NRG1: variants seen among roughly 807,000 people sequenced by gnomAD.
NRG1 encodes pro-neuregulin-1, membrane-bound isoform.
In NRG1, 18 loss-of-function variants were observed where a neutral mutation model predicts 63.8. The observed-to-expected ratio is 0.28, with a 90% CI of 0.19 to 0.42. The LOEUF (loss-of-function observed/expected upper bound fraction) is 0.42, where lower values mean the gene tolerates loss of function less well. Among genes scored for constraint, NRG1 ranks in the 10% least tolerant of loss-of-function variants. The pLI is 1.00. For missense variants in NRG1, 762 were observed against 814.7 expected (o/e 0.94, Z 0.79); for synonymous variants, 302 against 301.3 (o/e 1.00, Z -0.02).
chr8:32,149,982 A>G (rs1281416580), intron 1 of NRG1, among the ~76,000 whole-genome samples: 3 of 152,214 alleles, frequency 2.0e-5, no homozygotes, highest in African/African-American at 4.8e-5. Context: ...CAGCACTAGC[A>G]AGGGCTAGAA....
chr8:32,586,101 A>T (rs572579805), intron 1 of NRG1, among the ~76,000 whole-genome samples: 1 of 142,232 alleles, frequency 7.0e-6, no homozygotes, highest in Admixed American at 6.9e-5. Flanking sequence ...TGCCTGGCAC[A>T]TAGTAGGTAC....
intron 3 of NRG1, among the ~76,000 whole-genome samples, chr8:32,613,502 G>A (rs1846746113): frequency 6.6e-6 from 1 of 151,694 alleles, no homozygotes; most frequent in Non-Finnish European, 1.5e-5. Flanking sequence ...GATTATATTA[G>A]TAATAAAGTT....
chr8:32,437,723 A>G (rs1417133943), intron 1 of NRG1, among the ~76,000 whole-genome samples: 5 of 152,208 alleles, frequency 3.3e-5, no homozygotes, highest in Admixed American at 1.3e-4. Context: ...AATTACCAAC[A>G]TAACACCATC....
chr8:31,680,880 G>A (rs531481255), intron 1 of NRG1, among the ~76,000 whole-genome samples: 22 of 152,160 alleles, frequency 1.4e-4, no homozygotes, highest in Admixed American at 3.9e-4. Flanking sequence ...ATTCCTGCCC[G>A]CACACAGAAC....
chr8:31,744,003 G>T (rs950438789), intron 1 of NRG1, among the ~76,000 whole-genome samples: 1 of 151,910 alleles, frequency 6.6e-6, no homozygotes, highest in Non-Finnish European at 1.5e-5. Context: ...TTAACTAGAA[G>T]AAACTACATT....
intron 1 of NRG1, among the ~76,000 whole-genome samples, chr8:32,481,603 C>T (rs1313077386): frequency 3.3e-5 from 5 of 152,238 alleles, no homozygotes; most frequent in Admixed American, 2.6e-4. Context: ...GTTCAAATCC[C>T]AGCTTTACAG....
intron 1 of NRG1, among the ~76,000 whole-genome samples, chr8:31,908,167 C>A (rs1022183739): frequency 1.3e-5 from 2 of 152,112 alleles, no homozygotes; most frequent in Non-Finnish European, 1.5e-5. Context: ...ACTTAGTGAT[C>A]TTTCTTTGCT....
chr8:32,261,902 G>T (rs1850420052), intron 1 of NRG1, among the ~76,000 whole-genome samples: 1 of 152,072 alleles, frequency 6.6e-6, no homozygotes, highest in South Asian at 2.1e-4. Flanking sequence ...CTTGCATTGG[G>T]ATTCATGCCC....
intron 1 of NRG1, among the ~76,000 whole-genome samples, chr8:31,920,868 A>ATAGATAGATAGG (rs1292850195): frequency 1.5e-5 from 2 of 135,654 alleles, no homozygotes; most frequent in African/African-American, 5.6e-5. Context: ...AGATACATAG[A>ATAGATAGATAGG]TAGATAGATA....
At chr8:31,953,957 G>A (rs1269850189) in intron 1 of NRG1, among the ~76,000 whole-genome samples, 2 of 152,128 alleles carry the variant, frequency 1.3e-5, no homozygotes, top group Non-Finnish European at 2.9e-5. Context: ...TTGTGCCTTA[G>A]TATTTTCCTC....
intron 1 of NRG1, among the ~76,000 whole-genome samples, chr8:31,919,383 T>C (rs1312167928): frequency 7.0e-6 from 1 of 142,046 alleles, no homozygotes; most frequent in Non-Finnish European, 1.6e-5. Flanking sequence ...GAAGGGGTTG[T>C]CATTCTTTTT....
intron 1 of NRG1, among the ~76,000 whole-genome samples, chr8:32,253,582 A>G (rs1015629838): frequency 6.6e-6 from 1 of 152,110 alleles, no homozygotes; most frequent in African/African-American, 2.4e-5. Context: ...GTGCTGCTGG[A>G]TTCAGTTTGC....
intron 1 of NRG1, among the ~76,000 whole-genome samples, chr8:32,230,093 T>C (rs1846761442): frequency 6.6e-6 from 1 of 152,176 alleles, no homozygotes; most frequent in Non-Finnish European, 1.5e-5. Context: ...CAGGAAATTC[T>C]ACCTGGCTTC....
exon 12 of NRG1, chr8:32,766,727 G>A (rs543098355): frequency 2.6e-5 from 4 of 152,264 alleles, no homozygotes; most frequent in African/African-American, 7.2e-5. Flanking sequence ...AGAGGAAATT[G>A]TATTTCTAAC....
At chr8:32,579,356 CG>C (rs1840251262) in intron 1 of NRG1, among the ~76,000 whole-genome samples, 1 of 152,092 alleles carries the variant, frequency 6.6e-6, no homozygotes, top group African/African-American at 2.4e-5. Context: ...CACTTTAGAG[CG>C]TAACAGCACT....
chr8:31,997,964 A>G (rs1186837575), intron 1 of NRG1, among the ~76,000 whole-genome samples: 5 of 152,050 alleles, frequency 3.3e-5, no homozygotes, highest in Non-Finnish European at 7.4e-5. Flanking sequence ...TGGACAGTCT[A>G]TCTTGAGAAA....
chr8:32,688,316 T>G (rs1589215499), intron 5 of NRG1, among the ~76,000 whole-genome samples: 1 of 152,326 alleles, frequency 6.6e-6, no homozygotes, highest in East Asian at 1.9e-4. Flanking sequence ...TAAACTTCTG[T>G]GCCCCATAAC....
At chr8:31,721,416 C>T (rs1812904078) in intron 1 of NRG1, among the ~76,000 whole-genome samples, 1 of 152,050 alleles carries the variant, frequency 6.6e-6, no homozygotes, top group Admixed American at 6.6e-5. Flanking sequence ...CTGTGCTCCC[C>T]CTTATGCATA....
chr8:32,055,134 C>A (rs921845515), intron 1 of NRG1, among the ~76,000 whole-genome samples: 1 of 151,906 alleles, frequency 6.6e-6, no homozygotes. Flanking sequence ...AGGTGATCCG[C>A]CTGCCTTGGC....
Sources: gnomAD v4.1 joint callset for allele counts (sites outside exome capture counted in the v4.1 genomes callset) on GRCh38, gnomAD v4.1.1 for gene constraint, MANE v1.5 for transcripts, NCBI Gene and HGNC (gene_info 2026-07-23, HGNC 2026-07-21) for gene names.